ALPK3: variants seen among roughly 807,000 people sequenced by gnomAD.
The protein encoded by ALPK3 is alpha kinase 3.
In ALPK3, 102 loss-of-function variants were observed where a neutral mutation model predicts 140.0. That is an observed-to-expected ratio of 0.73 (90% confidence interval 0.62 to 0.86). The LOEUF (loss-of-function observed/expected upper bound fraction) is 0.86. Among genes scored for constraint, ALPK3 ranks in the 40% least tolerant of loss-of-function variants. The pLI is 0.00. For missense variants in ALPK3, 2,254 were observed against 2,208.2 expected, an observed-to-expected ratio of 1.02 and a Z score of -0.42; for synonymous variants, 938 against 898.5, an observed-to-expected ratio of 1.04 and a Z score of -0.79.
At chr15:84,824,710 A>T in intron 2 of ALPK3, among the ~76,000 whole-genome samples, 1 of 152,212 alleles carries the variant, frequency 6.6e-6, no homozygotes, top group Non-Finnish European at 1.5e-5. Flanking sequence ...GGTTCCACTG[A>T]ACATCATGAA....
intron 12 of ALPK3, 43 bp downstream of exon 12, chr15:84,864,708 G>A: frequency 1.3e-6 from 2 of 1,573,466 alleles, no homozygotes; most frequent in Admixed American, 1.7e-5. Context: ...GTGCATGGAT[G>A]TGAAAGCATG....
chr15:84,840,318 C>G lies in ALPK3; in HGVS notation c.1039C>G (p.Pro347Ala), dbSNP rs1963646405. ...QSRRSSENCIPSSDEPDSCGT... is the reference protein window; with the variant it reads ...QSRRSSENCIASSDEPDSCGT... ...CCGCCGTTCTTCAGAAAACTGCATC[C>G]CCAGCTCAGACGAGCCTGACTCCTG... Residue 347 changes from proline (P) to alanine (A), a missense_variant, in exon 5 of 14, where the codon CCC becomes GCC. This residue lies in a region of ALPK3 where 2,088 missense variants were observed against 2,022.9 expected (regional missense o/e 1.03). Transcript: ENST00000258888. 1.2e-6 allele frequency: 2 copies of G among 1,614,064 alleles called. No individual in the cohort carries two copies. The highest frequency in any genetic ancestry group is 1.7e-6 in the Non-Finnish European group (2 of 1,180,006).
intron 12 of ALPK3, 87 bp downstream of exon 12, chr15:84,864,752 G>A (rs1567095840): frequency 2.0e-5 from 26 of 1,328,626 alleles, no homozygotes; most frequent in Non-Finnish European, 2.6e-5. Flanking sequence ...TTGGCTGATC[G>A]TTTACAAAGC....
rs769445142 is a variant in ALPK3, at chr15:84,840,336, G to C, written c.1057G>C (p.Asp353His). The part of the protein sequence containing the change: ...ENCIPSSDEP[D>H]SCGTQGPVGV... Reference sequence around the variant, plus strand: ...CTGCATCCCCAGCTCAGACGAGCCTGACTCCTGTGGGACTCAGGGGCCCGT... The same window carrying C: ...CTGCATCCCCAGCTCAGACGAGCCTCACTCCTGTGGGACTCAGGGGCCCGT... Residue 353 changes from aspartate (D) to histidine (H), a missense_variant, in exon 5 of 14, where the codon GAC (aspartate) becomes CAC (histidine). Physicochemically the swap from Asp to His is moderately conservative, Grantham distance 81 (BLOSUM62 -1). Coordinates refer to ENST00000258888, the MANE Select transcript of ALPK3 (RefSeq NM_020778.5). 3 of 1,613,892 alleles carry C rather than the reference G, an allele frequency of 1.9e-6. No homozygotes were observed. The highest frequency in any genetic ancestry group is 4.5e-5 in the East Asian group (2 of 44,868).
At chr15:84,844,724 A>G (rs1260654514) in intron 5 of ALPK3, among the ~76,000 whole-genome samples, 1 of 152,008 alleles carries the variant, frequency 6.6e-6, no homozygotes, top group Non-Finnish European at 1.5e-5. Flanking sequence ...GGGTGTGGTG[A>G]TGCACATCTG....
At chr15:84,854,423 T>C (rs1187219706) in intron 5 of ALPK3, among the ~76,000 whole-genome samples, 2 of 152,050 alleles carry the variant, frequency 1.3e-5, no homozygotes, top group Admixed American at 6.6e-5. Flanking sequence ...GTAGCTAAGA[T>C]TACAGATGCG....
chr15:84,858,121 C>T lies in ALPK3; in HGVS notation c.3383C>T (p.Pro1128Leu). The change falls in exon 6 of 14, where the codon CCC becomes CTC. Residue 1128 changes from proline to leucine, a missense_variant. Transcript: ENST00000258888. ...GGGCAGGCAGCCCCTGGACAGGGGC[C>T]CTCAGCAGAGAGCATAGCCCAGGAG... is the stretch of plus-strand genomic sequence containing the variant. ...AGGQAAPGQG[P>L]SAESIAQEPS... is the part of the protein sequence containing the mutation. 3.8e-6 allele frequency: 6 copies of T among 1,584,298 alleles called. No individual in the cohort carries two copies. Among genetic ancestry groups the T allele is most frequent in the Non-Finnish European group, 5.1e-6 (6 of 1,167,920 alleles).
At chr15:84,851,896 A>C (rs1963806815) in intron 5 of ALPK3, among the ~76,000 whole-genome samples, 1 of 152,188 alleles carries the variant, frequency 6.6e-6, no homozygotes, top group Non-Finnish European at 1.5e-5. Context: ...TTTTGGGTTA[A>C]AGAGTATAAA....
chr15:84,824,180 C>G (rs1222882610), intron 2 of ALPK3, among the ~76,000 whole-genome samples: 1 of 152,218 alleles, frequency 6.6e-6, no homozygotes, highest in African/African-American at 2.4e-5. Context: ...TCCTCCCCAT[C>G]CCTGAAGACT....
intron 5 of ALPK3, among the ~76,000 whole-genome samples, chr15:84,851,795 C>T (rs1005773407): frequency 6.6e-6 from 1 of 152,146 alleles, no homozygotes; most frequent in Non-Finnish European, 1.5e-5. Flanking sequence ...TAGTCTATTG[C>T]AATTTAAACA....
Position 84,872,188 on chromosome 15 carries a change from G to A in ALPK3, c.*3732G>A, listed in dbSNP as rs1468188747. 2 of 152,282 alleles carry A rather than the reference G, an allele frequency of 1.3e-5. No individual in the cohort carries two copies. Among genetic ancestry groups the A allele is most frequent in the African/African-American group, 4.8e-5 (2 of 41,456 alleles). 9.4% of individuals were successfully genotyped at this position (152,282 alleles called of 1,614,324 possible). A position where few individuals can be genotyped will look rare whatever the true frequency, so the allele number is the denominator to read the frequency against. On this transcript the variant is annotated 3_prime_UTR_variant, in exon 14 of 14. Coordinates refer to ENST00000258888, the MANE Select transcript of ALPK3 (RefSeq NM_020778.5). ...GCAGCATGGCCACCAAGTGTGCCAGGGCCAAGTGTTCAGGCTCTCCCAGAG... is the reference window on the plus strand; with the variant it reads ...GCAGCATGGCCACCAAGTGTGCCAGAGCCAAGTGTTCAGGCTCTCCCAGAG...
At chr15:84,830,109 T>C (rs1392925558) in intron 3 of ALPK3, among the ~76,000 whole-genome samples, 2 of 152,236 alleles carry the variant, frequency 1.3e-5, no homozygotes, top group Non-Finnish European at 1.5e-5. Context: ...CCATAGTTTT[T>C]CATTTGTTTC....
Position 84,857,000 on chromosome 15 carries a change from A to C in ALPK3, c.2262A>C (p.Glu754Asp). Reference sequence around the variant, plus strand: ...GTCCTAGAGCTCCTCTGAATATTGAATGTTTTGTACAGACCCCAGAAGGGT... The same window carrying C: ...GTCCTAGAGCTCCTCTGAATATTGACTGTTTTGTACAGACCCCAGAAGGGT... ...TAGPRAPLNI[E>D]CFVQTPEGSC... is the part of the protein sequence containing the mutation. The change falls in exon 6 of 14, where the codon GAA becomes GAC. Residue 754 changes from glutamate (E) to aspartate (D), a missense_variant. Physicochemically the swap from Glu to Asp is conservative, Grantham distance 45. Transcript: ENST00000258888. 1.8e-5 allele frequency: 29 copies of C among 1,614,140 alleles called. No homozygotes were observed. The highest frequency in any genetic ancestry group is 2.5e-5 in the Non-Finnish European group (29 of 1,180,016).
chr15:84,872,906 C>G lies in ALPK3; in HGVS notation c.*4450C>G, dbSNP rs1964090506. ...CTGGAAATCAAGTGGGAGATCTTGA[C>G]TTTACCTTGGCACTTGAGACAGAAC... is the stretch of plus-strand genomic sequence containing the variant. On this transcript the variant is annotated 3_prime_UTR_variant, in exon 14 of 14. Transcript: ENST00000258888. 1 of 152,202 alleles carries G rather than the reference C, an allele frequency of 6.6e-6. No individual in the cohort carries two copies. Among genetic ancestry groups the G allele is most frequent in the South Asian group, 2.1e-4 (1 of 4,834 alleles). 9.4% of individuals were successfully genotyped at this position (152,202 alleles called of 1,614,324 possible).
intron 3 of ALPK3, among the ~76,000 whole-genome samples, chr15:84,828,790 C>T (rs1190780749): frequency 6.6e-6 from 1 of 152,080 alleles, no homozygotes; most frequent in Admixed American, 6.6e-5. Context: ...CAAATTTTAC[C>T]AAGGAGGAAG....
chr15:84,852,891 G>T (rs1463146435), intron 5 of ALPK3, among the ~76,000 whole-genome samples: 2 of 152,202 alleles, frequency 1.3e-5, no homozygotes, highest in Non-Finnish European at 2.9e-5. Context: ...TTTAGCAGAG[G>T]CAAAGACTAG....
rs763262979 is a variant in ALPK3, at chr15:84,840,122, C to A, written c.843C>A (p.Ala281=). ...SGEVTTNGEA[A]PENGEDGEHG... is the part of the protein sequence containing the mutation. ...AAGTGACCACCAACGGGGAGGCTGC[C>A]CCCGAGAATGGAGAGGACGGAGAGC... Residue 281 remains alanine (A), a synonymous_variant, in exon 5 of 14, where the codon GCC becomes GCA. Coordinates refer to ENST00000258888, the MANE Select transcript of ALPK3 (RefSeq NM_020778.5). The A allele has an allele frequency of 5.0e-6, 8 of 1,613,982 alleles. No individual in the cohort carries two copies. In the African/African-American group the frequency reaches 1.1e-4, roughly 22 times the overall value.
In ALPK3 at chr15:84,868,250, A is replaced by C. The variant is rs1964024366; in HGVS notation, c.4912A>C (p.Lys1638Gln). 6.2e-7 allele frequency: 1 copy of C among 1,614,178 alleles called. No homozygotes were observed. ...GGCGGCCCACCCCCAAGCCAAAGCC[A>C]AAGGCTCTAAGAGTCCATCTGCTGG... is the stretch of plus-strand genomic sequence containing the variant. ...PEAAHPQAKA[K>Q]GSKSPSAGRK... Residue 1638 changes from lysine (K) to glutamine (Q), a missense_variant, in exon 14 of 14, where the codon AAA (lysine) becomes CAA (glutamine). By Grantham distance (53) the Lys-to-Gln change is moderately conservative. Coordinates refer to ENST00000258888, the MANE Select transcript of ALPK3 (RefSeq NM_020778.5).
At position 84,823,377 on chromosome 15, in the gene ALPK3, A is replaced by G. The variant is rs200942386; in HGVS notation, c.182+9A>G. 7.7e-5 allele frequency: 124 copies of G among 1,614,084 alleles called. 2 individuals carry two copies. In the Admixed American group the frequency reaches 2.0e-3, roughly 26 times the overall value. On this transcript the variant is annotated intron_variant, in intron 2 of 13. Transcript: ENST00000258888. ...CACCCCAGCTCTGGAAGGTAAATGCATATTGCACTACATTTCTCTGACTGC... is the reference window on the plus strand; with the variant it reads ...CACCCCAGCTCTGGAAGGTAAATGCGTATTGCACTACATTTCTCTGACTGC...
Sources: allele counts gnomAD v4.1 joint callset (sites outside exome capture counted in the v4.1 genomes callset), GRCh38; gene constraint gnomAD v4.1.1; regional missense constraint gnomAD v4.1.1; transcripts MANE v1.5; gene names NCBI Gene and HGNC (gene_info 2026-07-23, HGNC 2026-07-21).